Variants in SACS observed in about 807,000 individuals in gnomAD.
SACS encodes the protein sacsin.
In SACS, 197 loss-of-function variants were observed where a neutral mutation model predicts 348.0. The observed-to-expected ratio is 0.57, with a 90% CI of 0.50 to 0.64. The LOEUF (loss-of-function observed/expected upper bound fraction) is 0.64. SACS is among the 30% of genes least tolerant of loss of function. The pLI is 0.00. For synonymous variants in SACS, 1,985 were observed against 1,910.6 expected, an observed-to-expected ratio of 1.04 and a Z score of -1.02; for missense variants, 4,999 against 5,360.8, an observed-to-expected ratio of 0.93 and a Z score of 2.11.
At chr13:23,406,660 C>T (rs1284729197) in intron 2 of SACS, among the ~76,000 whole-genome samples, 1 of 151,962 alleles carries the variant, frequency 6.6e-6, no homozygotes, top group Admixed American at 6.6e-5. Flanking sequence ...AATAAATTTA[C>T]AAAAAGGGAG....
intron 6 of SACS, among the ~76,000 whole-genome samples, chr13:23,361,296 A>T (rs1367085692): frequency 6.6e-6 from 1 of 152,208 alleles, no homozygotes; most frequent in Non-Finnish European, 1.5e-5. Flanking sequence ...AATGTTTTTA[A>T]TCAAGGTATA....
At chr13:23,425,404 G>A (rs1424739435) in intron 1 of SACS, among the ~76,000 whole-genome samples, 1 of 152,152 alleles carries the variant, frequency 6.6e-6, no homozygotes, top group Non-Finnish European at 1.5e-5. Flanking sequence ...GGGACCTGAT[G>A]TTTATGCAGG....
intron 1 of SACS, among the ~76,000 whole-genome samples, chr13:23,423,011 C>T (rs145934310): frequency 1.5e-3 from 223 of 152,190 alleles, no homozygotes; most frequent in African/African-American, 5.0e-3. Context: ...TGTAAAAACA[C>T]GTTTTGTAGA....
intron 9 of SACS, among the ~76,000 whole-genome samples, chr13:23,346,235 G>A (rs1030845961): frequency 1.3e-5 from 2 of 152,070 alleles, no homozygotes; most frequent in East Asian, 1.9e-4. Flanking sequence ...AACCTCTGCC[G>A]CCCGGGTTCA....
rs1456464235 is a variant in SACS at position 23,338,013 on chromosome 13, C to T, written c.5863G>A (p.Asp1955Asn). ...VWPDPDLVHD[D>N]FSVICQGFYE... Reference sequence around the variant, plus strand: ...AATCCTTGGCAAATTACAGAAAAATCATCATGAACTAAATCAGGATCGGGC... The same window carrying T: ...AATCCTTGGCAAATTACAGAAAAATTATCATGAACTAAATCAGGATCGGGC... Residue 1955 changes from aspartate (D) to asparagine (N), a missense_variant, in exon 10 of 10, where the codon GAT becomes AAT. Transcript: ENST00000382292. The T allele has an allele frequency of 6.2e-7, 1 of 1,613,734 alleles. No homozygotes were observed. Among genetic ancestry groups the T allele is most frequent in the Admixed American group, 1.7e-5 (1 of 59,946 alleles).
intron 2 of SACS, among the ~76,000 whole-genome samples, chr13:23,401,265 C>T (rs1872967021): frequency 6.6e-6 from 1 of 152,190 alleles, no homozygotes; most frequent in South Asian, 2.1e-4. Context: ...TTCAAAGTCA[C>T]TCCTCTGCTC....
Position 23,339,072 on chromosome 13 carries a change from T to C in SACS, c.4804A>G (p.Ile1602Val). ...IKDKSNPGIK[I>V]NWSKQQKRLR... ...CTTTTCTGTTGTTTACTCCAATTAA[T>C]TTTGATCCCAGGATTGGATTTGTCT... is the stretch of plus-strand genomic sequence containing the variant. The change falls in exon 10 of 10, where the codon ATT (isoleucine) becomes GTT (valine). Residue 1602 changes from isoleucine to valine, a missense_variant. Ile to Val is a conservative substitution (Grantham distance 29). Coordinates refer to ENST00000382292, the MANE Select transcript of SACS (RefSeq NM_014363.6). 1 of 1,612,336 alleles carries C rather than the reference T, an allele frequency of 6.2e-7. No homozygotes were observed. The highest frequency in any genetic ancestry group is 8.5e-7 in the Non-Finnish European group (1 of 1,179,304).
rs147864824 is a variant in SACS, at chr13:23,398,482, C to T, written c.20+12738G>A. Among the ~76,000 whole-genome samples the T allele has an allele frequency of 6.7e-3, 971 of 145,222 alleles. 1 individual carries two copies. Among genetic ancestry groups the T allele is most frequent in the Non-Finnish European group, 0.011 (722 of 67,146 alleles). On this transcript the variant is annotated intron_variant, in intron 2 of 9. Transcript: ENST00000382292. The stretch of plus-strand genomic sequence containing the variant: ...CAAGGAGGCAAAGGTTGCAGTGAGC[C>T]GAGATGGCACCATTACACTCCAGCC...
At chr13:23,388,489 A>G (rs113056800) in intron 2 of SACS, among the ~76,000 whole-genome samples, 4,234 of 24,248 alleles carry the variant, frequency 0.17, 178 homozygotes, top group African/African-American at 0.3. Flanking sequence ...GTGTGTGTGT[A>G]TATATATATA....
At chr13:23,406,957 T>G (rs1445978387) in intron 2 of SACS, among the ~76,000 whole-genome samples, 2 of 152,242 alleles carry the variant, frequency 1.3e-5, no homozygotes, top group Non-Finnish European at 2.9e-5. Context: ...TTTTCACCTC[T>G]TTGCAAATTA....
In SACS at chr13:23,355,525, T is replaced by A; in HGVS notation, c.1087A>T (p.Thr363Ser). The change falls in exon 8 of 10, where the codon ACT (threonine) becomes TCT (serine). Residue 363 changes from threonine (T) to serine (S), a missense_variant. Around this residue, in one of 6 missense-constraint regions of SACS, gnomAD observed 3,156 missense variants for 3,380.1 expected, o/e 0.93. Coordinates refer to ENST00000382292, the MANE Select transcript of SACS (RefSeq NM_014363.6). ...GTAISNYCKK[T>S]PSNNITCVTY... ...ACACAGGTGATGTTATTGCTTGGAG[T>A]CTTTTTACAATAGTTACTTATAGCA... 6.2e-7 allele frequency: 1 copy of A among 1,614,100 alleles called. No homozygotes were observed. The highest frequency in any genetic ancestry group is 8.5e-7 in the Non-Finnish European group (1 of 1,180,008).
chr13:23,408,886 C>T (rs9645854), intron 2 of SACS, among the ~76,000 whole-genome samples: 11,259 of 150,364 alleles, frequency 0.075, 600 homozygotes, highest in Middle Eastern at 0.13. Context: ...GGCATGAACT[C>T]GGGAGGCGCA....
intron 1 of SACS, among the ~76,000 whole-genome samples, chr13:23,417,680 G>C (rs947852717): frequency 6.6e-6 from 1 of 152,156 alleles, no homozygotes; most frequent in East Asian, 1.9e-4. Flanking sequence ...ATTTTAGAAG[G>C]AAGTGGAACA....
At chr13:23,402,372 A>C (rs1014830624) in intron 2 of SACS, among the ~76,000 whole-genome samples, 1 of 152,184 alleles carries the variant, frequency 6.6e-6, no homozygotes, top group African/African-American at 2.4e-5. Flanking sequence ...TATCTATAAC[A>C]GTTAAACTAC....
At position 23,395,520 on chromosome 13, in the gene SACS, C is replaced by T. The variant is rs116332412; in HGVS notation, c.20+15700G>A. Among the ~76,000 whole-genome samples, 955 of 152,200 alleles carry T rather than the reference C, an allele frequency of 6.3e-3. 11 individuals are homozygous for T. Among genetic ancestry groups the T allele is most frequent in the African/African-American group, 0.022 (895 of 41,522 alleles). ...CTTTAATATGTTGTCTTTGAAACCC[C>T]TACTTCTCCACCATCCACCTGTCCA... On this transcript the variant is annotated intron_variant, in intron 2 of 9. Transcript: ENST00000382292.
chr13:23,376,202 G>A (rs1871792895), intron 2 of SACS, among the ~76,000 whole-genome samples: 1 of 152,162 alleles, frequency 6.6e-6, no homozygotes, highest in East Asian at 1.9e-4. Context: ...TTGGTAGCCT[G>A]AATGTCTTCC....
At chr13:23,359,592 A>T (rs998027571) in intron 6 of SACS, among the ~76,000 whole-genome samples, 6 of 152,206 alleles carry the variant, frequency 3.9e-5, no homozygotes, top group African/African-American at 1.4e-4. Flanking sequence ...TTTCTGCACA[A>T]AATATTTTTG....
chr13:23,361,924 A>T (rs1278242293), intron 6 of SACS, among the ~76,000 whole-genome samples: 1 of 152,248 alleles, frequency 6.6e-6, no homozygotes, highest in Non-Finnish European at 1.5e-5. Context: ...TGACCCAGCC[A>T]AATCTCCTTG....
chr13:23,377,450 T>G (rs1337080788), intron 2 of SACS, among the ~76,000 whole-genome samples: 1 of 152,168 alleles, frequency 6.6e-6, no homozygotes, highest in African/African-American at 2.4e-5. Flanking sequence ...CTTCCTACAA[T>G]GTACTCAGTC....
Sources: allele counts gnomAD v4.1 joint callset (sites outside exome capture counted in the v4.1 genomes callset), GRCh38; gene constraint gnomAD v4.1.1; regional missense constraint gnomAD v4.1.1; transcripts MANE v1.5; gene names NCBI Gene and HGNC (gene_info 2026-07-23, HGNC 2026-07-21).